ERBB4: variants seen among roughly 807,000 people sequenced by gnomAD.
ERBB4 encodes the protein erb-b2 receptor tyrosine kinase 4.
Under a neutral mutation model 158.0 loss-of-function variants are expected in ERBB4, and 42 were observed. The observed-to-expected ratio is 0.27, with a 90% CI of 0.21 to 0.34. The LOEUF is 0.34. ERBB4 is among the 10% of genes least tolerant of loss of function. The probability of loss-of-function intolerance (pLI) is 1.00; values close to 1 mark genes in which losing one functional copy is unlikely to be tolerated. For missense variants in ERBB4, 1,333 were observed against 1,624.1 expected, an observed-to-expected ratio of 0.82 and a Z score of 3.08; for synonymous variants, 583 against 558.7, an observed-to-expected ratio of 1.04 and a Z score of -0.61.
intron 20 of ERBB4, among the ~76,000 whole-genome samples, chr2:211,515,912 A>ATATATATATATATATATATATTTTT (rs35696520): frequency 3.8e-5 from 3 of 78,984 alleles, no homozygotes; most frequent in African/African-American, 1.7e-4. Context: ...ATATATATAT[A>ATATATATATATATATATATATTTTT]TTTTTTTTTT....
chr2:211,991,866 G>T (rs1331564609), intron 2 of ERBB4, among the ~76,000 whole-genome samples: 1 of 152,158 alleles, frequency 6.6e-6, no homozygotes. Context: ...GTTTTCAGTA[G>T]AAGTACAATG....
chr2:211,700,225 T>C (rs1365902774), intron 12 of ERBB4, among the ~76,000 whole-genome samples: 1 of 152,160 alleles, frequency 6.6e-6, no homozygotes, highest in Non-Finnish European at 1.5e-5. Context: ...TTGGGGCATG[T>C]ACACACACAT....
rs2066906941 is a variant in ERBB4 at position 211,545,050 on chromosome 2, T to C, written c.2487+16853A>G. Among the ~76,000 whole-genome samples the C allele has an allele frequency of 4.6e-5, 7 of 152,094 alleles. No individual in the cohort carries two copies. In the South Asian group the frequency reaches 1.4e-3, roughly 31 times the overall value. ...GACCTTTGGCTGTACACTCTTGATTTAGAGACTTCCCATATTCTAGACTGG... is the reference window on the plus strand; with the variant it reads ...GACCTTTGGCTGTACACTCTTGATTCAGAGACTTCCCATATTCTAGACTGG... On this transcript the variant is annotated intron_variant, in intron 20 of 27. Coordinates refer to ENST00000342788, the MANE Select transcript of ERBB4 (RefSeq NM_005235.3).
chr2:212,161,622 C>T (rs1024071876), intron 1 of ERBB4, among the ~76,000 whole-genome samples: 1 of 151,830 alleles, frequency 6.6e-6, no homozygotes. Flanking sequence ...ACTCCTTTTT[C>T]ATCAACTATC....
At chr2:212,220,236 T>A (rs1053901650) in intron 1 of ERBB4, among the ~76,000 whole-genome samples, 1 of 151,394 alleles carries the variant, frequency 6.6e-6, no homozygotes, top group Non-Finnish European at 1.5e-5. Flanking sequence ...TTTGAGTATA[T>A]AAGAATATGT....
At chr2:211,759,093 G>A (rs1008834145) in intron 4 of ERBB4, among the ~76,000 whole-genome samples, 4 of 152,098 alleles carry the variant, frequency 2.6e-5, no homozygotes, top group African/African-American at 9.7e-5. Flanking sequence ...AATTCTTTCA[G>A]AAGCTTCTGC....
chr2:212,070,223 A>G (rs1057490704), intron 2 of ERBB4, among the ~76,000 whole-genome samples: 3 of 151,998 alleles, frequency 2.0e-5, no homozygotes, highest in Admixed American at 1.3e-4. Context: ...AAATGAAAAG[A>G]TATCTTATTT....
At chr2:212,376,644 T>C (rs955645706) in intron 1 of ERBB4, among the ~76,000 whole-genome samples, 20 of 152,072 alleles carry the variant, frequency 1.3e-4, no homozygotes, top group Non-Finnish European at 1.5e-4. Context: ...TGTTTACTAA[T>C]TTAAAATATC....
At chr2:211,713,259 T>C (rs766077713) in intron 8 of ERBB4, among the ~76,000 whole-genome samples, 9 of 152,194 alleles carry the variant, frequency 5.9e-5, no homozygotes, top group Non-Finnish European at 1.0e-4. Context: ...TAAGATTTGC[T>C]ATTGACAGAG....
intron 1 of ERBB4, among the ~76,000 whole-genome samples, chr2:212,500,685 C>T (rs1690839339): frequency 6.6e-6 from 1 of 152,014 alleles, no homozygotes; most frequent in Non-Finnish European, 1.5e-5. Flanking sequence ...TAGTGAATAA[C>T]ATGAACATTG....
At chr2:211,415,136 A>AGAC (rs2063358165) in intron 25 of ERBB4, among the ~76,000 whole-genome samples, 2 of 17,634 alleles carry the variant, frequency 1.1e-4, no homozygotes, top group African/African-American at 1.8e-4. Flanking sequence ...TTTTTTTTTG[A>AGAC]GACGGAGTCT....
At chr2:212,246,596 A>G (rs2084318920) in intron 1 of ERBB4, among the ~76,000 whole-genome samples, 2 of 152,220 alleles carry the variant, frequency 1.3e-5, no homozygotes, top group African/African-American at 4.8e-5. Context: ...GATGTCATGA[A>G]AGATGTAGCT....
chr2:211,775,111 G>C (rs1389362820), intron 4 of ERBB4, among the ~76,000 whole-genome samples: 1 of 152,106 alleles, frequency 6.6e-6, no homozygotes, highest in Admixed American at 6.5e-5. Flanking sequence ...AACTTACAGG[G>C]GAATTAAGTA....
intron 1 of ERBB4, among the ~76,000 whole-genome samples, chr2:212,137,314 CCT>C: frequency 6.6e-6 from 1 of 152,072 alleles, no homozygotes; most frequent in South Asian, 2.1e-4. Context: ...TTTTTCTGAT[CCT>C]CTCTCTCCTC....
chr2:212,426,686 C>T (rs2091920677), intron 1 of ERBB4, among the ~76,000 whole-genome samples: 1 of 151,984 alleles, frequency 6.6e-6, no homozygotes, highest in African/African-American at 2.4e-5. Context: ...CTTGTACCAC[C>T]ACCTATCCAC....
At chr2:212,486,093 G>T (rs1401953162) in intron 1 of ERBB4, among the ~76,000 whole-genome samples, 1 of 151,750 alleles carries the variant, frequency 6.6e-6, no homozygotes, top group African/African-American at 2.4e-5. Context: ...ACAACAGTTT[G>T]GCAGTTTGGA....
At chr2:211,710,423 T>C (rs2073653550) in intron 9 of ERBB4, among the ~76,000 whole-genome samples, 1 of 152,144 alleles carries the variant, frequency 6.6e-6, no homozygotes, top group African/African-American at 2.4e-5. Flanking sequence ...AAATGTCATA[T>C]ATGCATTAAA....
chr2:211,616,252 C>T (rs2069385772), intron 19 of ERBB4, among the ~76,000 whole-genome samples: 1 of 152,104 alleles, frequency 6.6e-6, no homozygotes, highest in Admixed American at 6.6e-5. Flanking sequence ...CACTGGCTGC[C>T]AGAGTCTCTC....
intron 2 of ERBB4, among the ~76,000 whole-genome samples, chr2:212,123,235 T>C (rs763243024): frequency 1.3e-5 from 2 of 151,966 alleles, no homozygotes; most frequent in Non-Finnish European, 2.9e-5. Context: ...AACTCCTGTC[T>C]CCACTAAAGC....
Sources: allele counts gnomAD v4.1 joint callset (sites outside exome capture counted in the v4.1 genomes callset), GRCh38; gene constraint gnomAD v4.1.1; transcripts MANE v1.5; gene names NCBI Gene and HGNC (gene_info 2026-07-23, HGNC 2026-07-21).